Variants in AGXT2 observed in about 807,000 individuals in gnomAD.
The protein encoded by AGXT2 is alanine--glyoxylate aminotransferase 2.
A neutral mutation model predicts 62.5 loss-of-function variants in AGXT2; 61 were observed. The observed-to-expected ratio is 0.98, with a 90% CI of 0.79 to 1.21. The LOEUF (loss-of-function observed/expected upper bound fraction) is 1.21. Among genes scored for constraint, AGXT2 ranks in the 50% most tolerant of loss-of-function variants. The pLI is 0.00. For synonymous variants in AGXT2, 243 were observed against 218.7 expected (o/e 1.11, Z -0.98); for missense variants, 666 against 641.5 (o/e 1.04, Z -0.41).
chr5:35,009,484 T>C (rs761602692), intron 12 of AGXT2, among the ~76,000 whole-genome samples: 2 of 152,090 alleles, frequency 1.3e-5, no homozygotes, highest in Non-Finnish European at 2.9e-5. Flanking sequence ...TAATCCCAGC[T>C]ACCCGGGAGG....
At position 34,998,809 on chromosome 5, in the gene AGXT2, G is replaced by T; in HGVS notation, c.1455C>A (p.Pro485=). 1 of 1,613,598 alleles carries T rather than the reference G, an allele frequency of 6.2e-7. No individual in the cohort carries two copies. The highest frequency in any genetic ancestry group is 8.5e-7 in the Non-Finnish European group (1 of 1,179,850). Residue 485 remains proline, a synonymous_variant, in exon 14 of 14, where the codon CCC becomes CCA. Transcript: ENST00000231420. The part of the protein sequence containing the change: ...SIFSQTFRIA[P]SMCITKPEVD... ...CTTCTGGTTTAGTGATGCACATTGA[G>T]GGCGCAATGCGAAATGTCTGAGGAG...
At chr5:35,044,835 T>A (rs546810733) in intron 1 of AGXT2, among the ~76,000 whole-genome samples, 2 of 152,350 alleles carry the variant, frequency 1.3e-5, no homozygotes, top group African/African-American at 4.8e-5. Flanking sequence ...TGGCATGTGT[T>A]AAATCAGTTC....
At chr5:35,023,090 A>C (rs531068584) in intron 9 of AGXT2, among the ~76,000 whole-genome samples, 33 of 146,126 alleles carry the variant, frequency 2.3e-4, no homozygotes, top group Middle Eastern at 6.5e-3. Context: ...TGTTTTATTC[A>C]TTTGTTTGTA....
At chr5:35,026,844 T>G (rs1223605256) in intron 7 of AGXT2, 2 of 985,284 alleles carry the variant, frequency 2.0e-6, no homozygotes, top group Admixed American at 1.2e-4. Flanking sequence ...ATGCCCGTCC[T>G]CTCAAACAGG....
intron 1 of AGXT2, 27 bp downstream of exon 1, chr5:35,047,778 A>T: frequency 1.2e-6 from 2 of 1,613,118 alleles, no homozygotes; most frequent in South Asian, 2.2e-5. Context: ...TCCTCTACTG[A>T]CCCACGTCCC....
chr5:35,047,918 C>T lies in AGXT2; in HGVS notation c.-26G>A. On this transcript the variant is annotated 5_prime_UTR_variant, in exon 1 of 14. An upstream start codon of the reference 5' UTR is lost. Transcript: ENST00000231420. Reference sequence around the variant, plus strand: ...TTCTCCCACTCAGAAAGCCAACCCCCATGGAAGCAGATTGGAGGCCGGGCT... The same window carrying T: ...TTCTCCCACTCAGAAAGCCAACCCCTATGGAAGCAGATTGGAGGCCGGGCT... The T allele has an allele frequency of 1.2e-6, 2 of 1,613,788 alleles. No homozygotes were observed. The highest frequency in any genetic ancestry group is 1.7e-6 in the Non-Finnish European group (2 of 1,179,854).
chr5:35,007,805 C>T (rs1426381477), intron 12 of AGXT2, among the ~76,000 whole-genome samples: 1 of 152,094 alleles, frequency 6.6e-6, no homozygotes, highest in East Asian at 1.9e-4. Context: ...GGAGGTGGGT[C>T]CTAAAAAGAG....
At chr5:35,018,100 G>A (rs909538656) in intron 9 of AGXT2, among the ~76,000 whole-genome samples, 25 of 152,200 alleles carry the variant, frequency 1.6e-4, no homozygotes, top group Non-Finnish European at 2.8e-4. Flanking sequence ...CGTCTGATTG[G>A]TGTACCTGAA....
intron 9 of AGXT2, 92 bp from the exon 10 acceptor site, chr5:35,014,211 T>C: frequency 6.4e-7 from 1 of 1,554,134 alleles, no homozygotes; most frequent in Middle Eastern, 2.0e-4. Context: ...CCCAGCACTT[T>C]AGGAGGCTGA....
intron 1 of AGXT2, among the ~76,000 whole-genome samples, chr5:35,043,796 T>A (rs916259603): frequency 1.3e-5 from 2 of 152,162 alleles, no homozygotes; most frequent in African/African-American, 4.8e-5. Context: ...GCTCAAGCGA[T>A]CCTTCTATCT....
Position 35,013,986 on chromosome 5 carries a change from C to T in AGXT2, c.1096+1G>A, listed in dbSNP as rs765566655. ...AAACACAAACTGCCTGTGGGTCCTACCTGGAGTGGTTATGACTGCTGCCAT... is the reference window on the plus strand; with the variant it reads ...AAACACAAACTGCCTGTGGGTCCTATCTGGAGTGGTTATGACTGCTGCCAT... On this transcript the variant is annotated splice_donor_variant, in intron 10 of 13. Coordinates refer to ENST00000231420, the MANE Select transcript of AGXT2 (RefSeq NM_031900.4). LOFTEE classifies it high-confidence loss of function. 6.2e-7 allele frequency: 1 copy of T among 1,613,978 alleles called. No individual in the cohort carries two copies. The highest frequency in any genetic ancestry group is 2.2e-5 in the East Asian group (1 of 44,868).
intron 9 of AGXT2, among the ~76,000 whole-genome samples, chr5:35,018,172 T>C (rs995136610): frequency 6.6e-6 from 1 of 152,074 alleles, no homozygotes; most frequent in African/African-American, 2.4e-5. Flanking sequence ...CAGGAGAACT[T>C]CCCCAATCTA....
At position 35,046,127 on chromosome 5, in the gene AGXT2, G is replaced by A. The variant is rs571704424; in HGVS notation, c.88+1678C>T. 6.6e-5 allele frequency among the ~76,000 whole-genome samples: 10 copies of A among 152,216 alleles called. No homozygotes were observed. The South Asian group carries it at 8.3e-4, about 13-fold the overall frequency. ...GTCCTTGCTGGGCCTATGGTAAGGC[G>A]TCGCCAACGAGTTGCTCAAGATCTC... On this transcript the variant is annotated intron_variant, in intron 1 of 13. Coordinates refer to ENST00000231420, the MANE Select transcript of AGXT2 (RefSeq NM_031900.4).
At position 35,039,428 on chromosome 5, in the gene AGXT2, C is replaced by G. The variant is rs769389895; in HGVS notation, c.258G>C (p.Leu86=). ...ACTCCATGTGCCCCTGGTGGAGCAG[C>G]AGGGGTTTCTGGAAATATGCCGTCA... The part of the protein sequence containing the change: ...PVVTAYFQKP[L]LLHQGHMEWL... The change falls in exon 3 of 14, where the codon CTG becomes CTC. Residue 86 remains leucine (L), a synonymous_variant. Transcript: ENST00000231420. The G allele has an allele frequency of 1.2e-6, 2 of 1,614,132 alleles. No homozygotes were observed. The highest frequency in any genetic ancestry group is 2.2e-5 in the East Asian group (1 of 44,888).
Position 35,009,982 on chromosome 5 carries a change from G to T in AGXT2, c.1338+18C>A, listed in dbSNP as rs1766566750. 2.5e-6 allele frequency: 4 copies of T among 1,614,114 alleles called. No homozygotes were observed. In the African/African-American group the frequency reaches 4.0e-5, roughly 16 times the overall value. On this transcript the variant is annotated intron_variant, in intron 12 of 13. Transcript: ENST00000231420. Reference sequence around the variant, plus strand: ...CTGGCTCCAAGCAGCTGAGAGAGAGGGGCAGATTAGCACCTACCTTATCCT... The same window carrying T: ...CTGGCTCCAAGCAGCTGAGAGAGAGTGGCAGATTAGCACCTACCTTATCCT...
At chr5:35,025,721 C>T in intron 9 of AGXT2, 42 bp downstream of exon 9, 1 of 1,590,172 alleles carries the variant, frequency 6.3e-7, no homozygotes, top group South Asian at 1.1e-5. Context: ...TGTGCATCTC[C>T]TGTTCCCACT....
At chr5:35,018,230 A>G (rs1236733820) in intron 9 of AGXT2, among the ~76,000 whole-genome samples, 1 of 152,182 alleles carries the variant, frequency 6.6e-6, no homozygotes, top group African/African-American at 2.4e-5. Flanking sequence ...GAATGTCACA[A>G]AGATACTCCT....
chr5:35,018,539 C>T (rs1280592585), intron 9 of AGXT2, among the ~76,000 whole-genome samples: 3 of 151,722 alleles, frequency 2.0e-5, no homozygotes, highest in Admixed American at 1.3e-4. Context: ...ATTTTGTCAC[C>T]ACCAGGCCTG....
At position 35,039,339 on chromosome 5, in the gene AGXT2, A is replaced by T. The variant is rs1303069314; in HGVS notation, c.347T>A (p.Val116Asp). Reference protein sequence around the residue: ...DFFSGIVTVSVGHCHPKVNAV... With the variant: ...DFFSGIVTVSDGHCHPKVNAV... Reference sequence around the variant, plus strand: ...GGATACTCACGGGTGGCAATGGCCAACACTGACAGTAACAATCCCGGAAAA... The same window carrying T: ...GGATACTCACGGGTGGCAATGGCCATCACTGACAGTAACAATCCCGGAAAA... Residue 116 changes from valine (V) to aspartate (D), a missense_variant, in exon 3 of 14, where the codon GTT (valine) becomes GAT (aspartate). Transcript: ENST00000231420. 11 of 1,613,990 alleles carry T rather than the reference A, an allele frequency of 6.8e-6. No individual in the cohort carries two copies. The Admixed American group carries it at 1.8e-4, about 27-fold the overall frequency.
Sources: gnomAD v4.1 joint callset for allele counts (sites outside exome capture counted in the v4.1 genomes callset) on GRCh38, gnomAD v4.1.1 for gene constraint, MANE v1.5 for transcripts, NCBI Gene and HGNC (gene_info 2026-07-23, HGNC 2026-07-21) for gene names.